FBXW7: variants seen among roughly 807,000 people sequenced by gnomAD.
The protein encoded by FBXW7 is F-box and WD repeat domain containing 7.
A neutral mutation model predicts 86.3 loss-of-function variants in FBXW7; 11 were observed. The observed-to-expected ratio is 0.13, with a 90% confidence interval of 0.08 to 0.21. FBXW7 has a LOEUF of 0.21. FBXW7 is among the 10% of genes least tolerant of loss of function. The pLI, the probability that FBXW7 is intolerant of heterozygous loss-of-function variation, is 1.00. For synonymous variants in FBXW7, 313 were observed against 297.9 expected (o/e 1.05, Z -0.52); for missense variants, 488 against 847.4 (o/e 0.58, Z 5.27).
intron 4 of FBXW7, among the ~76,000 whole-genome samples, chr4:152,369,146 T>C (rs1435734749): frequency 6.6e-6 from 1 of 152,102 alleles, no homozygotes; most frequent in East Asian, 1.9e-4. Context: ...GAGAATTAAT[T>C]ATAAATTTTA....
chr4:152,417,497 TC>T (rs1215250873), intron 2 of FBXW7, among the ~76,000 whole-genome samples: 1 of 152,084 alleles, frequency 6.6e-6, no homozygotes, highest in Non-Finnish European at 1.5e-5. Context: ...AAAGAGCCTT[TC>T]TGTAGTGAGG....
intron 4 of FBXW7, among the ~76,000 whole-genome samples, chr4:152,374,313 C>G (rs547511371): frequency 1.3e-5 from 2 of 152,104 alleles, no homozygotes; most frequent in South Asian, 4.1e-4. Flanking sequence ...CTACTCTAGA[C>G]TCCCAAAAGT....
chr4:152,480,353 T>C (rs1396616118), intron 2 of FBXW7, among the ~76,000 whole-genome samples: 2 of 147,996 alleles, frequency 1.4e-5, no homozygotes, highest in Non-Finnish European at 3.0e-5. Flanking sequence ...AAATGTTGCA[T>C]GTGTTCTGAC....
In FBXW7 at chr4:152,382,522, T is replaced by C. The variant is rs907286855; in HGVS notation, c.501+28781A>G. ...ATGTCCTGACCTGTCTGAGGCTTGGTGAAGTGCAAACTATCCTAGAATAGC... is the reference window on the plus strand; with the variant it reads ...ATGTCCTGACCTGTCTGAGGCTTGGCGAAGTGCAAACTATCCTAGAATAGC... On this transcript the variant is annotated intron_variant, in intron 4 of 13. Transcript: ENST00000281708. The C allele has an allele frequency of 4.3e-6, 5 of 1,174,160 alleles. No individual in the cohort carries two copies. In the African/African-American group the frequency reaches 7.9e-5, roughly 19 times the overall value. The allele number at this position is 1,174,160 out of a possible 1,614,324, so 72.7% of individuals were successfully genotyped here. A position where few individuals can be genotyped will look rare whatever the true frequency, so the allele number is the denominator to read the frequency against.
At chr4:152,451,805 AG>A (rs1445494766) in intron 2 of FBXW7, 7 of 152,044 alleles carry the variant, frequency 4.6e-5, no homozygotes, top group African/African-American at 1.7e-4. Flanking sequence ...AGAAAAAAAA[AG>A]TATCAAATAA....
intron 2 of FBXW7, among the ~76,000 whole-genome samples, chr4:152,495,550 A>G (rs910859381): frequency 2.6e-5 from 4 of 152,246 alleles, no homozygotes; most frequent in African/African-American, 4.8e-5. Flanking sequence ...AAAAATATAT[A>G]TATTAGGCTA....
intron 4 of FBXW7, among the ~76,000 whole-genome samples, chr4:152,365,178 T>G (rs1266833065): frequency 6.6e-6 from 1 of 152,092 alleles, no homozygotes; most frequent in Admixed American, 6.6e-5. Flanking sequence ...GATAACCACC[T>G]ATAGCTAGAG....
chr4:152,479,575 C>T (rs1744703626), intron 2 of FBXW7, among the ~76,000 whole-genome samples: 1 of 152,084 alleles, frequency 6.6e-6, no homozygotes, highest in South Asian at 2.1e-4. Flanking sequence ...GACTGCTTCC[C>T]AGAATGTATT....
At chr4:152,420,931 A>G (rs1738889330) in intron 2 of FBXW7, among the ~76,000 whole-genome samples, 1 of 152,158 alleles carries the variant, frequency 6.6e-6, no homozygotes, top group African/African-American at 2.4e-5. Context: ...CTAACAAGAG[A>G]GTCAGCCTGT....
chr4:152,488,549 C>A (rs778153641), intron 2 of FBXW7, among the ~76,000 whole-genome samples: 1 of 151,990 alleles, frequency 6.6e-6, no homozygotes, highest in Non-Finnish European at 1.5e-5. Context: ...TGCAATTTTT[C>A]CCTGTTTTGC....
rs199838329 is a variant in FBXW7, at chr4:152,520,358, G to A, written c.-120+14583C>T. 4.6e-3 allele frequency among the ~76,000 whole-genome samples: 699 copies of A among 151,314 alleles called. 18 individuals carry two copies. The East Asian group carries it at 0.056, about 12-fold the overall frequency. ...TGAGGCAGGAGAATGGCGTGAACCC[G>A]GGAAGCGGAGCTTGCAGTGAGCCGA... On this transcript the variant is annotated intron_variant, in intron 2 of 13. Transcript: ENST00000281708.
chr4:152,514,714 C>A (rs1413667090), intron 2 of FBXW7, among the ~76,000 whole-genome samples: 1 of 152,166 alleles, frequency 6.6e-6, no homozygotes, highest in African/African-American at 2.4e-5. Context: ...GATACCTGCT[C>A]CCCTTCACTC....
At chr4:152,522,074 T>C (rs543363482) in intron 2 of FBXW7, among the ~76,000 whole-genome samples, 7 of 152,198 alleles carry the variant, frequency 4.6e-5, no homozygotes, top group African/African-American at 1.7e-4. Flanking sequence ...TAAAGAGCCC[T>C]TGACTTGGTG....
At chr4:152,416,897 A>T (rs1719561039) in intron 2 of FBXW7, among the ~76,000 whole-genome samples, 1 of 152,158 alleles carries the variant, frequency 6.6e-6, no homozygotes, top group South Asian at 2.1e-4. Flanking sequence ...ATATGGGCTT[A>T]CTCCATAATA....
chr4:152,391,624 C>A (rs1179540421), intron 4 of FBXW7, among the ~76,000 whole-genome samples: 1 of 151,994 alleles, frequency 6.6e-6, no homozygotes, highest in Non-Finnish European at 1.5e-5. Flanking sequence ...CAGACTGGAA[C>A]AATGATAAGG....
intron 2 of FBXW7, 117 bp from the exon 3 acceptor site, chr4:152,412,646 A>G (rs1238936783): frequency 2.0e-5 from 3 of 152,072 alleles, no homozygotes; most frequent in African/African-American, 7.2e-5. Context: ...CCAAATGTTC[A>G]ATATAAAGGA....
At chr4:152,517,465 G>C (rs1416144873) in intron 2 of FBXW7, among the ~76,000 whole-genome samples, 2 of 152,098 alleles carry the variant, frequency 1.3e-5, no homozygotes, top group Non-Finnish European at 2.9e-5. Context: ...TTGTGTGCCA[G>C]GCACTGTTCT....
chr4:152,410,943 TAAAA>T (rs1359459424), intron 4 of FBXW7, among the ~76,000 whole-genome samples: 4 of 152,242 alleles, frequency 2.6e-5, no homozygotes, highest in African/African-American at 9.6e-5. Context: ...ATTTTGTAAA[TAAAA>T]AGTTTCTTCA....
At chr4:152,497,809 G>A (rs937834615) in intron 2 of FBXW7, among the ~76,000 whole-genome samples, 7 of 151,972 alleles carry the variant, frequency 4.6e-5, no homozygotes, top group African/African-American at 9.7e-5. Context: ...ACCTATGTAC[G>A]AGCATTACAA....
Sources: allele counts gnomAD v4.1 joint callset (sites outside exome capture counted in the v4.1 genomes callset), GRCh38; gene constraint gnomAD v4.1.1; transcripts MANE v1.5; gene names NCBI Gene and HGNC (gene_info 2026-07-23, HGNC 2026-07-21).